SCAPER: variants seen among roughly 807,000 people sequenced by gnomAD.
The protein encoded by SCAPER is S-phase cyclin A associated protein in the ER.
A neutral mutation model predicts 182.2 loss-of-function variants in SCAPER; 98 were observed. The ratio of observed to expected loss-of-function variants is 0.54; its 90% CI spans 0.46 to 0.64. The LOEUF (loss-of-function observed/expected upper bound fraction) is 0.64, where lower values mean the gene tolerates loss of function less well. Ranked by LOEUF, SCAPER falls within the 30% of genes least tolerant of loss-of-function variation. The pLI is 0.00. For synonymous variants in SCAPER, 605 were observed against 564.6 expected (o/e 1.07, Z -1.01); for missense variants, 1,432 against 1,690.0 (o/e 0.85, Z 2.68).
At chr15:76,364,810 G>C (rs1291516910) in intron 29 of SCAPER, among the ~76,000 whole-genome samples, 1 of 151,882 alleles carries the variant, frequency 6.6e-6, no homozygotes, top group Non-Finnish European at 1.5e-5. Context: ...GTAACACTTA[G>C]GGGCTCCTCA....
intron 27 of SCAPER, among the ~76,000 whole-genome samples, chr15:76,402,481 C>T (rs1015589382): frequency 6.6e-6 from 1 of 151,982 alleles, no homozygotes; most frequent in Non-Finnish European, 1.5e-5. Context: ...TTTTTCCTTC[C>T]ACTTGTCTTG....
At chr15:76,486,513 TAA>T (rs35458506) in intron 24 of SCAPER, among the ~76,000 whole-genome samples, 16 of 149,794 alleles carry the variant, frequency 1.1e-4, no homozygotes, top group South Asian at 6.4e-4. Context: ...CAATTTATAA[TAA>T]AAAAAAAACC....
rs189594078 is a variant in SCAPER at position 76,870,878 on chromosome 15, A to T, written c.7-8345T>A. ...ATAGGCATTATGAATAAAATTGTGA[A>T]TTTTTTTAATAAAAAGGTAAAATAA... On this transcript the variant is annotated intron_variant, in intron 2 of 31. Transcript: ENST00000563290. 1.1e-4 allele frequency among the ~76,000 whole-genome samples: 16 copies of T among 152,214 alleles called. No individual in the cohort carries two copies. In the East Asian group the frequency reaches 2.9e-3, roughly 28 times the overall value.
At chr15:76,697,330 G>T (rs1029840012) in intron 20 of SCAPER, among the ~76,000 whole-genome samples, 6 of 152,084 alleles carry the variant, frequency 3.9e-5, no homozygotes, top group Admixed American at 3.9e-4. Flanking sequence ...ATAACAACAT[G>T]AATTAAGTTA....
chr15:76,723,452 T>G (rs1480439572), intron 17 of SCAPER, among the ~76,000 whole-genome samples: 1 of 152,178 alleles, frequency 6.6e-6, no homozygotes, highest in Non-Finnish European at 1.5e-5. Flanking sequence ...TAGGTCTGCT[T>G]GGTGCAGAGC....
At chr15:76,686,481 A>T (rs1427297425) in intron 20 of SCAPER, among the ~76,000 whole-genome samples, 3 of 152,134 alleles carry the variant, frequency 2.0e-5, no homozygotes, top group African/African-American at 7.2e-5. Flanking sequence ...GGTGCAACCA[A>T]TTAGAAAAAC....
chr15:76,574,146 T>C lies in SCAPER; in HGVS notation c.2838+12A>G. On this transcript the variant is annotated intron_variant, in intron 23 of 31. Transcript: ENST00000563290. ...AAGATTAAGGTTCAAAAGCCAGATA[T>C]TAGTTACACACCTCTTTTTCCAGTA... The C allele has an allele frequency of 6.3e-7, 1 of 1,593,552 alleles. No individual in the cohort carries two copies. The highest frequency in any genetic ancestry group is 8.5e-7 in the Non-Finnish European group (1 of 1,171,148).
intron 25 of SCAPER, among the ~76,000 whole-genome samples, chr15:76,444,708 A>G (rs1336486004): frequency 7.9e-5 from 12 of 152,132 alleles, no homozygotes; most frequent in Admixed American, 6.5e-5. Flanking sequence ...CATGAATCTG[A>G]TGACATGAAT....
chr15:76,510,819 C>A (rs547730197), intron 23 of SCAPER, among the ~76,000 whole-genome samples: 23 of 152,138 alleles, frequency 1.5e-4, no homozygotes, highest in Admixed American at 5.2e-4. Context: ...TGGAACCAAC[C>A]CAAATGCCCA....
At chr15:76,893,763 A>C (rs2074282336) in intron 1 of SCAPER, among the ~76,000 whole-genome samples, 1 of 152,246 alleles carries the variant, frequency 6.6e-6, no homozygotes, top group Non-Finnish European at 1.5e-5. Flanking sequence ...AACAGGAAGA[A>C]AACTGGAAAA....
rs1276019033 is a variant in SCAPER at position 76,595,802 on chromosome 15, A to C, written c.2712-21518T>G. Reference sequence around the variant, plus strand: ...CAAAATGTTCCAGAATCTCTGGGACACTGCCAAAGCAGAGTTTAGAGGGAA... The same window carrying C: ...CAAAATGTTCCAGAATCTCTGGGACCCTGCCAAAGCAGAGTTTAGAGGGAA... On this transcript the variant is annotated intron_variant, in intron 22 of 31. Transcript: ENST00000563290. Among the ~76,000 whole-genome samples the C allele has an allele frequency of 1.6e-5, 2 of 122,580 alleles. 1 individual carries two copies. The highest frequency in any genetic ancestry group is 4.0e-5 in the Non-Finnish European group (2 of 50,450). 80.4% of individuals were successfully genotyped at this position (122,580 alleles called of 152,430 possible).
intron 23 of SCAPER, among the ~76,000 whole-genome samples, chr15:76,554,687 G>C (rs2046051411): frequency 6.6e-6 from 1 of 151,750 alleles, no homozygotes; most frequent in Non-Finnish European, 1.5e-5. Flanking sequence ...CTAGAGAGAA[G>C]GGGTAAGGCC....
chr15:76,578,452 G>A (rs1173211495), intron 22 of SCAPER, among the ~76,000 whole-genome samples: 2 of 152,226 alleles, frequency 1.3e-5, no homozygotes, highest in Non-Finnish European at 2.9e-5. Context: ...CAGTGGTGGG[G>A]GCTACAGGGG....
At chr15:76,402,117 T>C (rs940266479) in intron 27 of SCAPER, among the ~76,000 whole-genome samples, 1 of 151,892 alleles carries the variant, frequency 6.6e-6, no homozygotes, top group Non-Finnish European at 1.5e-5. Context: ...ACAGAGTGAG[T>C]AAGATTCAGT....
intron 22 of SCAPER, among the ~76,000 whole-genome samples, chr15:76,597,613 A>G (rs1453949994): frequency 8.3e-6 from 1 of 120,598 alleles, no homozygotes; most frequent in Admixed American, 9.5e-5. Context: ...ATATAGACCA[A>G]CAGAACAGAA....
chr15:76,587,231 A>C (rs1254217482), intron 22 of SCAPER, among the ~76,000 whole-genome samples: 1 of 152,084 alleles, frequency 6.6e-6, no homozygotes, highest in Non-Finnish European at 1.5e-5. Flanking sequence ...ATCTTTTCAA[A>C]GAATCAGCTT....
At chr15:76,582,478 T>C (rs1368756612) in intron 22 of SCAPER, among the ~76,000 whole-genome samples, 5 of 152,232 alleles carry the variant, frequency 3.3e-5, no homozygotes, top group African/African-American at 9.6e-5. Flanking sequence ...TCCATGTTGA[T>C]AGAATGAAAG....
At chr15:76,408,825 G>A (rs1337977728) in intron 26 of SCAPER, among the ~76,000 whole-genome samples, 2 of 152,030 alleles carry the variant, frequency 1.3e-5, no homozygotes, top group Non-Finnish European at 2.9e-5. Context: ...GAGGTCTAAA[G>A]TGATCACACA....
At chr15:76,830,053 T>C (rs1254696333) in intron 5 of SCAPER, among the ~76,000 whole-genome samples, 1 of 152,122 alleles carries the variant, frequency 6.6e-6, no homozygotes, top group Non-Finnish European at 1.5e-5. Context: ...AAATGTAAAT[T>C]ATGAATAGGA....
Sources: gnomAD v4.1 joint callset for allele counts (sites outside exome capture counted in the v4.1 genomes callset) on GRCh38, gnomAD v4.1.1 for gene constraint, MANE v1.5 for transcripts, NCBI Gene and HGNC (gene_info 2026-07-23, HGNC 2026-07-21) for gene names.